Variants in SYT1 observed in about 807,000 individuals in gnomAD.
SYT1 encodes synaptotagmin 1.
Under a neutral mutation model 44.8 loss-of-function variants are expected in SYT1, and 8 were observed. The ratio of observed to expected loss-of-function variants is 0.18; its 90% CI spans 0.10 to 0.32. SYT1 has a LOEUF of 0.32. Among genes scored for constraint, SYT1 ranks in the 10% least tolerant of loss-of-function variants. SYT1 has a pLI of 1.00. For missense variants in SYT1, 286 were observed against 509.3 expected (o/e 0.56, Z 4.22); for synonymous variants, 154 against 188.8 (o/e 0.82, Z 1.51).
intron 8 of SYT1, among the ~76,000 whole-genome samples, chr12:79,325,707 G>A (rs1592968253): frequency 6.6e-6 from 1 of 152,304 alleles, no homozygotes; most frequent in East Asian, 1.9e-4. Flanking sequence ...TTTGTAGTCA[G>A]ACCTGGGTTC....
At chr12:79,206,632 C>T (rs754577728) in intron 3 of SYT1, among the ~76,000 whole-genome samples, 1 of 152,216 alleles carries the variant, frequency 6.6e-6, no homozygotes, top group Non-Finnish European at 1.5e-5. Context: ...TGGGATCCCA[C>T]ATCACTCAAT....
chr12:79,287,975 G>C (rs1014948891), intron 5 of SYT1, among the ~76,000 whole-genome samples: 5 of 152,138 alleles, frequency 3.3e-5, no homozygotes, highest in Non-Finnish European at 7.4e-5. Flanking sequence ...ATTTTAGGTA[G>C]AGCACTTTGT....
intron 8 of SYT1, among the ~76,000 whole-genome samples, chr12:79,349,117 G>A (rs887394666): frequency 6.7e-6 from 1 of 150,140 alleles, no homozygotes; most frequent in African/African-American, 2.5e-5. Context: ...ACAGGAGGAA[G>A]GGAGGAAGGT....
chr12:79,298,371 G>GA (rs1265233327), intron 7 of SYT1, among the ~76,000 whole-genome samples: 16 of 151,996 alleles, frequency 1.1e-4, no homozygotes, highest in Admixed American at 1.1e-3. Context: ...TGACAGAAAA[G>GA]AAAAACTCTT....
chr12:79,048,585 T>C (rs1815485689), intron 3 of SYT1, among the ~76,000 whole-genome samples: 1 of 151,932 alleles, frequency 6.6e-6, no homozygotes, highest in Non-Finnish European at 1.5e-5. Flanking sequence ...TGAACGGCCA[T>C]ATATTTTAAA....
At chr12:79,226,872 A>G (rs1181553313) in intron 4 of SYT1, among the ~76,000 whole-genome samples, 1 of 152,168 alleles carries the variant, frequency 6.6e-6, no homozygotes, top group East Asian at 1.9e-4. Context: ...ACTAAACAAA[A>G]ATAAAACACA....
At chr12:79,405,098 G>GCTAGTGCT (rs1885198039) in intron 9 of SYT1, among the ~76,000 whole-genome samples, 1 of 152,196 alleles carries the variant, frequency 6.6e-6, no homozygotes, top group African/African-American at 2.4e-5. Flanking sequence ...ATTGCTGGAA[G>GCTAGTGCT]CTAGTGCTCT....
At chr12:78,878,627 A>G (rs1298100143) in intron 1 of SYT1, among the ~76,000 whole-genome samples, 2 of 151,790 alleles carry the variant, frequency 1.3e-5, no homozygotes, top group Non-Finnish European at 2.9e-5. Flanking sequence ...CCACCCATAA[A>G]AGAATTGAGT....
chr12:79,217,005 AT>A (rs1874848341), intron 3 of SYT1, among the ~76,000 whole-genome samples: 1 of 152,164 alleles, frequency 6.6e-6, no homozygotes, highest in African/African-American at 2.4e-5. Context: ...GAGTATCAAT[AT>A]TATGAATAAT....
chr12:78,975,015 T>G (rs1868716087), intron 1 of SYT1, among the ~76,000 whole-genome samples: 1 of 152,144 alleles, frequency 6.6e-6, no homozygotes, highest in Non-Finnish European at 1.5e-5. Flanking sequence ...ACTTTTTATT[T>G]TTTTAAGTCT....
chr12:79,438,217 T>C (rs1160653447), intron 9 of SYT1, among the ~76,000 whole-genome samples: 1 of 152,152 alleles, frequency 6.6e-6, no homozygotes, highest in Non-Finnish European at 1.5e-5. Flanking sequence ...GCATATCTCA[T>C]ATGCCATATA....
intron 1 of SYT1, among the ~76,000 whole-genome samples, chr12:78,905,786 T>A (rs1197992782): frequency 6.6e-6 from 1 of 152,052 alleles, no homozygotes; most frequent in Non-Finnish European, 1.5e-5. Flanking sequence ...AATTTTTTTT[T>A]AAATTACAGC....
intron 2 of SYT1, among the ~76,000 whole-genome samples, chr12:78,980,077 T>C (rs1040042053): frequency 6.6e-6 from 1 of 152,150 alleles, no homozygotes; most frequent in African/African-American, 2.4e-5. Context: ...AATATTTCCA[T>C]ATTATCTAAT....
At chr12:79,124,906 A>C (rs1299969988) in intron 3 of SYT1, among the ~76,000 whole-genome samples, 1 of 152,172 alleles carries the variant, frequency 6.6e-6, no homozygotes, top group Non-Finnish European at 1.5e-5. Context: ...TTTCAAATGA[A>C]ATGAAGGGGA....
chr12:79,105,169 A>T (rs76971081), intron 3 of SYT1, among the ~76,000 whole-genome samples: 2,102 of 152,188 alleles, frequency 0.014, 50 homozygotes, highest in Admixed American at 0.066. Context: ...TAGCTCTTCC[A>T]CCTCCTGTTT....
intron 9 of SYT1, among the ~76,000 whole-genome samples, chr12:79,407,636 G>T (rs1263904201): frequency 6.6e-6 from 1 of 152,030 alleles, no homozygotes; most frequent in Non-Finnish European, 1.5e-5. Context: ...CCCAATTTTT[G>T]ACCTCACTTT....
intron 3 of SYT1, among the ~76,000 whole-genome samples, chr12:79,179,532 G>GAT (rs376671906): frequency 3.4e-5 from 4 of 118,782 alleles, no homozygotes; most frequent in East Asian, 2.5e-4. Context: ...TATAGATATA[G>GAT]ATATAGATAT....
intron 3 of SYT1, among the ~76,000 whole-genome samples, chr12:79,075,869 A>C (rs1184901131): frequency 2.6e-5 from 4 of 152,158 alleles, no homozygotes; most frequent in African/African-American, 9.6e-5. Context: ...ATTAGAAGTG[A>C]ATATATATTA....
intron 3 of SYT1, among the ~76,000 whole-genome samples, chr12:79,088,738 CTGTGTG>C (rs571903732): frequency 0.014 from 1,875 of 137,244 alleles, 23 homozygotes; most frequent in South Asian, 0.049. Context: ...GGCTTTGGGC[CTGTGTG>C]TGTGTGTGTG....
Sources: allele counts gnomAD v4.1 joint callset (sites outside exome capture counted in the v4.1 genomes callset), GRCh38; gene constraint gnomAD v4.1.1; transcripts MANE v1.5; gene names NCBI Gene and HGNC (gene_info 2026-07-23, HGNC 2026-07-21).